KIAA0825: variants seen among roughly 807,000 people sequenced by gnomAD.
KIAA0825 encodes the protein uncharacterized protein KIAA0825.
In KIAA0825, 119 loss-of-function variants were observed where a neutral mutation model predicts 147.6. The observed-to-expected ratio is 0.81, with a 90% CI of 0.69 to 0.94. The LOEUF (loss-of-function observed/expected upper bound fraction) is 0.94, where lower values mean the gene tolerates loss of function less well. Ranked by LOEUF, KIAA0825 falls within the 40% of genes least tolerant of loss-of-function variation. The probability of loss-of-function intolerance (pLI) is 0.00; values close to 1 mark genes in which losing one functional copy is unlikely to be tolerated. For missense variants in KIAA0825, 1,381 were observed against 1,472.7 expected (o/e 0.94, Z 1.02); for synonymous variants, 470 against 518.1 (o/e 0.91, Z 1.26).
intron 5 of KIAA0825, among the ~76,000 whole-genome samples, chr5:94,504,015 G>A (rs1765403485): frequency 6.6e-6 from 1 of 152,112 alleles, no homozygotes; most frequent in African/African-American, 2.4e-5. Flanking sequence ...AAATGCAGAG[G>A]GACCTAAGAG....
intron 20 of KIAA0825, among the ~76,000 whole-genome samples, chr5:94,204,444 A>G (rs1771969848): frequency 6.6e-6 from 1 of 152,174 alleles, no homozygotes; most frequent in Admixed American, 6.5e-5. Flanking sequence ...AAATATCACC[A>G]TTCGATTCTT....
chr5:94,615,555 G>C (rs1159577163), intron 1 of KIAA0825: 1 of 152,128 alleles, frequency 6.6e-6, no homozygotes, highest in Non-Finnish European at 1.5e-5. Context: ...CTTACCCACT[G>C]TGCTGTAAGG....
chr5:94,464,748 T>C (rs1387245377), intron 11 of KIAA0825, 121 bp downstream of exon 11: 1 of 810,510 alleles, frequency 1.2e-6, no homozygotes, highest in Admixed American at 3.0e-5. Flanking sequence ...ATATGATTTC[T>C]TTTCAGATGT....
chr5:94,462,250 C>T, intron 12 of KIAA0825, 137 bp downstream of exon 12: 1 of 504,020 alleles, frequency 2.0e-6, no homozygotes, highest in Middle Eastern at 5.3e-4. Flanking sequence ...TATAAAATGG[C>T]CTAGTTCACA....
At chr5:94,189,987 T>G (rs1770511647) in intron 20 of KIAA0825, among the ~76,000 whole-genome samples, 1 of 152,204 alleles carries the variant, frequency 6.6e-6, no homozygotes, top group South Asian at 2.1e-4. Flanking sequence ...TATATAGACT[T>G]AAGTGTTCGC....
Position 94,372,472 on chromosome 5 carries a change from C to T in KIAA0825, c.3710+11896G>A, listed in dbSNP as rs1025066956. Among the ~76,000 whole-genome samples the T allele has an allele frequency of 3.9e-5, 6 of 152,224 alleles. No homozygotes were observed. In the East Asian group the frequency reaches 5.8e-4, roughly 15 times the overall value. ...ACTTCAATTCTTGTCTTCTGTGCACCCGCAGTACCAAACCACGTGGAAGCT... is the reference window on the plus strand; with the variant it reads ...ACTTCAATTCTTGTCTTCTGTGCACTCGCAGTACCAAACCACGTGGAAGCT... On this transcript the variant is annotated intron_variant, in intron 20 of 20. Coordinates refer to ENST00000682413, the MANE Select transcript of KIAA0825 (RefSeq NM_001145678.3).
At chr5:94,391,463 CCTT>C in intron 18 of KIAA0825, 69 bp downstream of exon 18, 7 of 1,468,478 alleles carry the variant, frequency 4.8e-6, no homozygotes, top group Non-Finnish European at 5.6e-6. Flanking sequence ...CTTGACTAAC[CCTT>C]AGCTGCCAGC....
At chr5:94,302,797 C>A (rs1036693928) in intron 20 of KIAA0825, among the ~76,000 whole-genome samples, 1 of 151,976 alleles carries the variant, frequency 6.6e-6, no homozygotes, top group African/African-American at 2.4e-5. Context: ...TATAACAATA[C>A]TGCCAAAAAA....
intron 13 of KIAA0825, among the ~76,000 whole-genome samples, chr5:94,444,212 G>T (rs1757456018): frequency 6.6e-6 from 1 of 152,182 alleles, no homozygotes; most frequent in Admixed American, 6.6e-5. Flanking sequence ...TCCATGGTGG[G>T]GTGGGATGGG....
chr5:94,371,401 A>G, intron 20 of KIAA0825, among the ~76,000 whole-genome samples: 1 of 152,192 alleles, frequency 6.6e-6, no homozygotes, highest in East Asian at 1.9e-4. Flanking sequence ...CATACCCAAG[A>G]CTGGGTAATT....
At chr5:94,531,553 T>C (rs976346937) in intron 3 of KIAA0825, among the ~76,000 whole-genome samples, 8 of 152,214 alleles carry the variant, frequency 5.3e-5, no homozygotes, top group Non-Finnish European at 1.0e-4. Context: ...CTGCCCAGGA[T>C]GCATTCTTAA....
At chr5:94,371,585 T>C (rs1015653590) in intron 20 of KIAA0825, among the ~76,000 whole-genome samples, 6 of 152,078 alleles carry the variant, frequency 3.9e-5, no homozygotes, top group Non-Finnish European at 7.4e-5. Context: ...TCAGATATCA[T>C]GAGAACTCAC....
In KIAA0825 at chr5:94,462,570, C is replaced by A. The variant is rs1759969915; in HGVS notation, c.2064-1G>T. ...TATCAAAATTGTTGTGACATCAAGT[C>A]TGTTGGAAAGAAAGAAAAGAAAATC... On this transcript the variant is annotated splice_acceptor_variant, in intron 11 of 20. Coordinates refer to ENST00000682413, the MANE Select transcript of KIAA0825 (RefSeq NM_001145678.3). LOFTEE classifies it high-confidence loss of function. 2 of 1,482,430 alleles carry A rather than the reference C, an allele frequency of 1.3e-6. No individual in the cohort carries two copies. Among genetic ancestry groups the A allele is most frequent in the African/African-American group, 1.4e-5 (1 of 69,758 alleles). 91.8% of individuals were successfully genotyped at this position (1,482,430 alleles called of 1,614,324 possible).
intron 20 of KIAA0825, among the ~76,000 whole-genome samples, chr5:94,189,888 C>T (rs1267902400): frequency 1.3e-5 from 2 of 152,130 alleles, no homozygotes; most frequent in Non-Finnish European, 2.9e-5. Flanking sequence ...ATTGAATCTT[C>T]AATTCATTAA....
chr5:94,588,099 A>C (rs1783653793), intron 1 of KIAA0825, among the ~76,000 whole-genome samples: 1 of 152,210 alleles, frequency 6.6e-6, no homozygotes, highest in African/African-American at 2.4e-5. Context: ...TGTAGAAGAA[A>C]GCCCGGCAAT....
At position 94,489,012 on chromosome 5, in the gene KIAA0825, A is replaced by G. The variant is rs1179019471; in HGVS notation, c.971-4082T>C. Among the ~76,000 whole-genome samples, 8 of 152,144 alleles carry G rather than the reference A, an allele frequency of 5.3e-5. No individual in the cohort carries two copies. The East Asian group carries it at 1.2e-3, about 22-fold the overall frequency. ...CTGCTCTGGATTCCTCTACAACTTGAGTATTTATATCTGCCTTACAGATTT... is the reference window on the plus strand; with the variant it reads ...CTGCTCTGGATTCCTCTACAACTTGGGTATTTATATCTGCCTTACAGATTT... On this transcript the variant is annotated intron_variant, in intron 5 of 20. Coordinates refer to ENST00000682413, the MANE Select transcript of KIAA0825 (RefSeq NM_001145678.3).
chr5:94,279,027 A>G (rs1777343518), intron 20 of KIAA0825, among the ~76,000 whole-genome samples: 1 of 152,050 alleles, frequency 6.6e-6, no homozygotes. Flanking sequence ...CCCTGTCACA[A>G]TTTTATACAT....
chr5:94,439,441 A>G (rs1208731672), intron 14 of KIAA0825, among the ~76,000 whole-genome samples: 2 of 152,290 alleles, frequency 1.3e-5, no homozygotes, highest in East Asian at 3.9e-4. Flanking sequence ...ACTAATTAGG[A>G]GAAGTATGGT....
chr5:94,380,525 A>G (rs1186480561), intron 20 of KIAA0825, among the ~76,000 whole-genome samples: 1 of 152,256 alleles, frequency 6.6e-6, no homozygotes, highest in African/African-American at 2.4e-5. Context: ...TTTACATTCT[A>G]CCACAGAGGG....
Sources: allele counts gnomAD v4.1 joint callset (sites outside exome capture counted in the v4.1 genomes callset), GRCh38; gene constraint gnomAD v4.1.1; transcripts MANE v1.5; gene names NCBI Gene and HGNC (gene_info 2026-07-23, HGNC 2026-07-21).